The following ARHGEF28 variants were observed in gnomAD, a reference collection of about 807,000 sequenced individuals.
ARHGEF28 encodes 190 kDa guanine nucleotide exchange factor.
ARHGEF28 carries 152 observed loss-of-function variants against 206.6 expected under a neutral mutation model. The ratio of observed to expected loss-of-function variants is 0.74; its 90% CI spans 0.64 to 0.84. The LOEUF is 0.84. Among genes scored for constraint, ARHGEF28 ranks in the 40% least tolerant of loss-of-function variants. The pLI is 0.00. For synonymous variants in ARHGEF28, 763 were observed against 776.4 expected, an observed-to-expected ratio of 0.98 and a Z score of 0.29; for missense variants, 2,028 against 2,073.2, an observed-to-expected ratio of 0.98 and a Z score of 0.42.
At chr5:73,658,389 C>T (rs1745364912) in intron 1 of ARHGEF28, among the ~76,000 whole-genome samples, 1 of 152,064 alleles carries the variant, frequency 6.6e-6, no homozygotes, top group Non-Finnish European at 1.5e-5. Flanking sequence ...GAGGGTAACA[C>T]TGAAAAGGGA....
chr5:73,734,165 G>GT (rs1301196542), intron 2 of ARHGEF28, among the ~76,000 whole-genome samples: 4 of 151,796 alleles, frequency 2.6e-5, no homozygotes, highest in Non-Finnish European at 4.4e-5. Context: ...ATATAAGAGG[G>GT]TAAAAAAAAG....
chr5:73,803,933 A>T (rs1262869487), intron 9 of ARHGEF28, among the ~76,000 whole-genome samples: 1 of 152,020 alleles, frequency 6.6e-6, no homozygotes, highest in Non-Finnish European at 1.5e-5. Flanking sequence ...CAAAAATTTT[A>T]AAAAATTAGC....
rs1742652864 is a variant in ARHGEF28 at position 73,941,987 on chromosome 5, C to G, written c.*974C>G. On this transcript the variant is annotated 3_prime_UTR_variant, in exon 36 of 36. Transcript: ENST00000513042. ...TTTGGTGTCAATAAATATCTTGTACCTCATTATTTTACTTTGTAATTTTAA... is the reference window on the plus strand; with the variant it reads ...TTTGGTGTCAATAAATATCTTGTACGTCATTATTTTACTTTGTAATTTTAA... 6.6e-6 allele frequency: 1 copy of G among 152,024 alleles called. No individual in the cohort carries two copies. Among genetic ancestry groups the G allele is most frequent in the Admixed American group, 6.6e-5 (1 of 15,266 alleles). 9.4% of individuals were successfully genotyped at this position (152,024 alleles called of 1,614,324 possible). A position where few individuals can be genotyped will look rare whatever the true frequency, so the allele number is the denominator to read the frequency against.
At chr5:73,775,508 T>TA (rs1160371263) in intron 5 of ARHGEF28, among the ~76,000 whole-genome samples, 7 of 152,166 alleles carry the variant, frequency 4.6e-5, no homozygotes, top group South Asian at 2.1e-4. Context: ...AGACTTAGAG[T>TA]AAAACTGTTC....
At chr5:73,822,367 C>G (rs913276759) in intron 9 of ARHGEF28, among the ~76,000 whole-genome samples, 4 of 152,170 alleles carry the variant, frequency 2.6e-5, no homozygotes, top group African/African-American at 9.7e-5. Flanking sequence ...GATTGAGACT[C>G]TAGTGTGGTG....
intron 2 of ARHGEF28, among the ~76,000 whole-genome samples, chr5:73,739,828 AAAATAAATAAATAAAT>A (rs571150752): frequency 3.6e-5 from 5 of 140,240 alleles, no homozygotes; most frequent in Admixed American, 7.2e-5. Flanking sequence ...AATAATAATA[AAAATAAATAAATAAAT>A]AAATAAATAA....
At chr5:73,852,786 G>T in intron 14 of ARHGEF28, 94 bp downstream of exon 14, 1 of 1,349,204 alleles carries the variant, frequency 7.4e-7, no homozygotes, top group Non-Finnish European at 1.1e-6. Flanking sequence ...ACTAGTTCAT[G>T]AGAGGTTTCC....
At position 73,676,952 on chromosome 5, in the gene ARHGEF28, A is replaced by G. The variant is rs115813465; in HGVS notation, c.-11-7889A>G. Among the ~76,000 whole-genome samples the G allele has an allele frequency of 2.8e-3, 424 of 152,360 alleles. 2 individuals carry two copies. The highest frequency in any genetic ancestry group is 9.7e-3 in the African/African-American group (404 of 41,588). On this transcript the variant is annotated intron_variant, in intron 1 of 35. Transcript: ENST00000513042. ...TAATTTCAGCAGTTCTCATGATACT[A>G]TTCTTTATTAAAAATGCCATGCTTT...
At chr5:73,897,858 A>G in intron 29 of ARHGEF28, 104 bp from the exon 30 acceptor site, 1 of 1,324,856 alleles carries the variant, frequency 7.5e-7, no homozygotes, top group Non-Finnish European at 1.0e-6. Flanking sequence ...CCTGGGTCCT[A>G]TAAAAACAGG....
chr5:73,657,570 C>T (rs1745300883), intron 1 of ARHGEF28, among the ~76,000 whole-genome samples: 1 of 152,128 alleles, frequency 6.6e-6, no homozygotes, highest in Admixed American at 6.5e-5. Flanking sequence ...TCAAGTGTTT[C>T]ATAATATTGA....
chr5:73,932,805 T>C (rs938017130), intron 35 of ARHGEF28, among the ~76,000 whole-genome samples: 4 of 120,230 alleles, frequency 3.3e-5, no homozygotes, highest in African/African-American at 1.0e-4. Flanking sequence ...TATTTCTTTT[T>C]TTTTTTTTTT....
intron 6 of ARHGEF28, among the ~76,000 whole-genome samples, chr5:73,778,505 C>G (rs1324436645): frequency 6.6e-6 from 1 of 152,060 alleles, no homozygotes; most frequent in Non-Finnish European, 1.5e-5. Flanking sequence ...ATGAAAAACA[C>G]TTGATACAAG....
At chr5:73,700,009 C>G (rs1748498452) in intron 2 of ARHGEF28, among the ~76,000 whole-genome samples, 1 of 152,072 alleles carries the variant, frequency 6.6e-6, no homozygotes, top group African/African-American at 2.4e-5. Context: ...AAAATGTAAG[C>G]TTTTAGGAGA....
In ARHGEF28 at chr5:73,757,067, GT is replaced by G. The variant is rs770839345; in HGVS notation, c.475+3871del. 7.9e-5 allele frequency among the ~76,000 whole-genome samples: 12 copies of G among 152,166 alleles called. No individual in the cohort carries two copies. In the East Asian group the frequency reaches 1.9e-3, roughly 24 times the overall value. On this transcript the variant is annotated intron_variant, in intron 4 of 35. Coordinates refer to ENST00000513042, the MANE Select transcript of ARHGEF28 (RefSeq NM_001177693.2). ...ACTAATCTTGAGCTGTTTTGGATTT[GT>G]TTTTTGTTGTATTTTTAATTTAATA...
intron 2 of ARHGEF28, among the ~76,000 whole-genome samples, chr5:73,722,178 G>A (rs114580567): frequency 0.026 from 4,021 of 152,004 alleles, 212 homozygotes; most frequent in African/African-American, 0.092. Context: ...AAGATTCGTC[G>A]TGAATATGTA....
intron 1 of ARHGEF28, among the ~76,000 whole-genome samples, chr5:73,681,632 T>C (rs989757012): frequency 4.0e-5 from 6 of 151,726 alleles, no homozygotes; most frequent in East Asian, 1.9e-4. Flanking sequence ...CTGGCCAACA[T>C]AGTGAACCTT....
intron 9 of ARHGEF28, among the ~76,000 whole-genome samples, chr5:73,826,651 G>A (rs374034339): frequency 2.6e-5 from 4 of 152,322 alleles, no homozygotes; most frequent in Admixed American, 1.3e-4. Flanking sequence ...AGGCTGGGCC[G>A]TGTCATTAAC....
intron 1 of ARHGEF28, among the ~76,000 whole-genome samples, chr5:73,666,514 C>T (rs535735377): frequency 2.6e-5 from 4 of 152,320 alleles, no homozygotes; most frequent in African/African-American, 9.6e-5. Context: ...TCCCACGTGT[C>T]CTTTGAAATG....
intron 35 of ARHGEF28, among the ~76,000 whole-genome samples, chr5:73,930,794 A>G (rs1764071991): frequency 6.6e-6 from 1 of 152,136 alleles, no homozygotes; most frequent in African/African-American, 2.4e-5. Context: ...ACACATACTC[A>G]ATATAGTCAA....
Sources: gnomAD v4.1 joint callset for allele counts (sites outside exome capture counted in the v4.1 genomes callset) on GRCh38, gnomAD v4.1.1 for gene constraint, MANE v1.5 for transcripts, NCBI Gene and HGNC (gene_info 2026-07-23, HGNC 2026-07-21) for gene names.